The following GNA12 variants were observed in gnomAD, a reference collection of about 807,000 sequenced individuals.
GNA12 encodes the protein G protein subunit alpha 12.
In GNA12, 9 loss-of-function variants were observed where a neutral mutation model predicts 26.0. The ratio of observed to expected loss-of-function variants is 0.35; its 90% CI spans 0.21 to 0.60. The LOEUF (loss-of-function observed/expected upper bound fraction) is 0.60. Among genes scored for constraint, GNA12 ranks in the 20% least tolerant of loss-of-function variants. The pLI is 0.78. For synonymous variants in GNA12, 264 were observed against 219.6 expected, an observed-to-expected ratio of 1.20 and a Z score of -1.79; for missense variants, 405 against 525.8, an observed-to-expected ratio of 0.77 and a Z score of 2.25.
At position 2,787,542 on chromosome 7, in the gene GNA12, TC is replaced by T. The variant is rs567340289; in HGVS notation, c.525+7385del. Among the ~76,000 whole-genome samples the T allele has an allele frequency of 6.4e-3, 975 of 152,012 alleles. 9 individuals are homozygous for T. The highest frequency in any genetic ancestry group is 0.023 in the African/African-American group (937 of 41,448). On this transcript the variant is annotated intron_variant, in intron 2 of 3. Transcript: ENST00000275364. ...TTCCAGCTACAACACTCTTCTCCCT[TC>T]CCCCAGGCACCCACCATCTTCTGAG...
intron 2 of GNA12, among the ~76,000 whole-genome samples, chr7:2,767,799 T>C (rs1791844086): frequency 6.6e-6 from 1 of 152,234 alleles, no homozygotes; most frequent in African/African-American, 2.4e-5. Context: ...TCTGAGAATA[T>C]TTCTACAATA....
At chr7:2,841,661 G>A (rs951016278) in intron 1 of GNA12, among the ~76,000 whole-genome samples, 2 of 152,142 alleles carry the variant, frequency 1.3e-5, no homozygotes, top group Admixed American at 6.5e-5. Flanking sequence ...CTATTAAAAT[G>A]AAACATTTCC....
chr7:2,751,448 C>G (rs552729454), intron 2 of GNA12, among the ~76,000 whole-genome samples: 1 of 148,444 alleles, frequency 6.7e-6, no homozygotes, highest in East Asian at 2.0e-4. Context: ...TCAAAAATCA[C>G]TGACCAAAGG....
intron 2 of GNA12, chr7:2,765,087 T>A (rs192726247): frequency 6.6e-6 from 1 of 151,866 alleles, no homozygotes; most frequent in African/African-American, 2.4e-5. Context: ...CCCCAAATTT[T>A]AATCCTTGAC....
Position 2,831,731 on chromosome 7 carries a change from A to C in GNA12, c.309+12122T>G, listed in dbSNP as rs111792135. 7.5e-3 allele frequency among the ~76,000 whole-genome samples: 1,145 copies of C among 152,280 alleles called. 15 individuals carry two copies. Among genetic ancestry groups the C allele is most frequent in the African/African-American group, 0.026 (1,078 of 41,542 alleles). On this transcript the variant is annotated intron_variant, in intron 1 of 3. Coordinates refer to ENST00000275364, the MANE Select transcript of GNA12 (RefSeq NM_007353.3). Reference sequence around the variant, plus strand: ...AACTTCATTTTCTTAAAAAAAACACAAGTGGTCACAAAAATATAAATAGTT... The same window carrying C: ...AACTTCATTTTCTTAAAAAAAACACCAGTGGTCACAAAAATATAAATAGTT...
At chr7:2,840,574 C>T (rs909951033) in intron 1 of GNA12, among the ~76,000 whole-genome samples, 13 of 152,172 alleles carry the variant, frequency 8.5e-5, no homozygotes, top group African/African-American at 3.1e-4. Flanking sequence ...AAGTCCCTTC[C>T]CTGGCCAAGT....
intron 1 of GNA12, among the ~76,000 whole-genome samples, chr7:2,803,387 G>C (rs1219268944): frequency 6.6e-6 from 1 of 152,222 alleles, no homozygotes; most frequent in Non-Finnish European, 1.5e-5. Flanking sequence ...TGCAGGTCCC[G>C]TGGCAGGTGG....
intron 2 of GNA12, among the ~76,000 whole-genome samples, chr7:2,786,531 A>T (rs2115443765): frequency 6.6e-6 from 1 of 152,332 alleles, no homozygotes; most frequent in Non-Finnish European, 1.5e-5. Context: ...CTTACAGAAA[A>T]CTAAACGTAT....
Position 2,786,920 on chromosome 7 carries a change from C to G in GNA12, c.525+8008G>C, listed in dbSNP as rs368391880. ...TCTGGGTCTGAAACATGTCTCCTGG[C>G]AGAGAGCCAAGCCCCCGGCAAGGAA... On this transcript the variant is annotated intron_variant, in intron 2 of 3. Coordinates refer to ENST00000275364, the MANE Select transcript of GNA12 (RefSeq NM_007353.3). 1.5e-4 allele frequency among the ~76,000 whole-genome samples: 23 copies of G among 152,288 alleles called. No individual in the cohort carries two copies. The East Asian group carries it at 1.5e-3, about 10-fold the overall frequency.
At chr7:2,763,802 G>C (rs976188870) in intron 2 of GNA12, among the ~76,000 whole-genome samples, 4 of 152,274 alleles carry the variant, frequency 2.6e-5, no homozygotes, top group Middle Eastern at 3.4e-3. Context: ...AAGCTCCCTG[G>C]GCAGGCGAGG....
chr7:2,843,773 C>A, intron 1 of GNA12, 80 bp downstream of exon 1: 1 of 689,018 alleles, frequency 1.5e-6, no homozygotes, highest in East Asian at 3.5e-5. Context: ...CCCGCGGCGG[C>A]GGACCACGGA....
intron 1 of GNA12, among the ~76,000 whole-genome samples, chr7:2,837,974 G>C (rs1778887849): frequency 6.6e-6 from 1 of 152,098 alleles, no homozygotes; most frequent in Non-Finnish European, 1.5e-5. Context: ...AGTCTGTTAA[G>C]TGCTAAGACA....
intron 2 of GNA12, among the ~76,000 whole-genome samples, chr7:2,754,455 G>C (rs1328473397): frequency 6.6e-6 from 1 of 152,002 alleles, no homozygotes; most frequent in African/African-American, 2.4e-5. Flanking sequence ...TTACTAAGAG[G>C]ATCTGGGCAG....
At position 2,768,172 on chromosome 7, in the gene GNA12, T is replaced by C. The variant is rs565806986; in HGVS notation, c.525+26756A>G. ...TTACAGACCTAATGGAGACTATAAA[T>C]GGCCACGGGTATGTGAGGCCAGGCT... On this transcript the variant is annotated intron_variant, in intron 2 of 3. Coordinates refer to ENST00000275364, the MANE Select transcript of GNA12 (RefSeq NM_007353.3). Among the ~76,000 whole-genome samples, 87 of 152,356 alleles carry C rather than the reference T, an allele frequency of 5.7e-4. 1 individual carries two copies. Among genetic ancestry groups the C allele is most frequent in the African/African-American group, 1.7e-3 (69 of 41,588 alleles).
intron 1 of GNA12, among the ~76,000 whole-genome samples, chr7:2,797,038 G>A (rs1455637763): frequency 6.6e-6 from 1 of 152,206 alleles, no homozygotes; most frequent in Non-Finnish European, 1.5e-5. Context: ...CTGTCCATCT[G>A]GAAAAGCCTT....
At chr7:2,755,409 G>T (rs1168426986) in intron 2 of GNA12, among the ~76,000 whole-genome samples, 3 of 152,162 alleles carry the variant, frequency 2.0e-5, no homozygotes, top group Non-Finnish European at 2.9e-5. Context: ...CATTTGTTTA[G>T]ATCTCATTTC....
chr7:2,746,334 C>G (rs1790762053), intron 2 of GNA12, among the ~76,000 whole-genome samples: 1 of 152,204 alleles, frequency 6.6e-6, no homozygotes, highest in South Asian at 2.1e-4. Flanking sequence ...TCTCAGACCA[C>G]AGTGCAATCA....
chr7:2,824,790 T>C (rs1222567568), intron 1 of GNA12, among the ~76,000 whole-genome samples: 1 of 152,056 alleles, frequency 6.6e-6, no homozygotes, highest in Non-Finnish European at 1.5e-5. Flanking sequence ...AATAAAAAAA[T>C]CCCTGCTGCT....
intron 1 of GNA12, among the ~76,000 whole-genome samples, chr7:2,811,423 G>T (rs368000881): frequency 6.6e-6 from 1 of 152,360 alleles, no homozygotes; most frequent in South Asian, 2.1e-4. Flanking sequence ...AGAAAGCCCA[G>T]AACAACCAGG....
Sources: allele counts gnomAD v4.1 joint callset (sites outside exome capture counted in the v4.1 genomes callset), GRCh38; gene constraint gnomAD v4.1.1; transcripts MANE v1.5; gene names NCBI Gene and HGNC (gene_info 2026-07-23, HGNC 2026-07-21).